Variants in CPLANE1 observed in about 807,000 individuals in gnomAD.
The protein encoded by CPLANE1 is ciliogenesis and planar polarity effector 1.
CPLANE1 carries 263 observed loss-of-function variants against 362.5 expected under a neutral mutation model. That is an observed-to-expected ratio of 0.73 (90% CI 0.66 to 0.80). The LOEUF (loss-of-function observed/expected upper bound fraction) is 0.80. CPLANE1 is among the 30% of genes least tolerant of loss of function. CPLANE1 has a pLI of 0.00. For missense variants in CPLANE1, 3,461 were observed against 3,793.4 expected (o/e 0.91, Z 2.30); for synonymous variants, 1,212 against 1,302.6 (o/e 0.93, Z 1.50).
intron 15 of CPLANE1, among the ~76,000 whole-genome samples, chr5:37,214,521 A>G (rs898602758): frequency 6.6e-6 from 1 of 152,220 alleles, no homozygotes; most frequent in African/African-American, 2.4e-5. Flanking sequence ...TACAGGCCAT[A>G]TATGGCACTG....
the CPLANE1 span, among the ~76,000 whole-genome samples, chr5:37,082,903 G>A: frequency 2.0e-5 from 3 of 152,134 alleles, no homozygotes; most frequent in Admixed American, 2.0e-4. Context: ...CTGCAGCTCC[G>A]ATCAGATGGA....
intron 2 of CPLANE1, among the ~76,000 whole-genome samples, chr5:37,246,828 A>C (rs1419561467): frequency 1.3e-5 from 2 of 152,164 alleles, no homozygotes; most frequent in Non-Finnish European, 2.9e-5. Context: ...CAATCGCTTG[A>C]ACCTGGGAGG....
intron 26 of CPLANE1, among the ~76,000 whole-genome samples, chr5:37,181,822 G>A (rs1782729663): frequency 1.3e-5 from 2 of 150,206 alleles, no homozygotes; most frequent in African/African-American, 4.9e-5. Context: ...ACCAGGCGCA[G>A]TGGCTCACAC....
At chr5:37,141,402 G>A in intron 44 of CPLANE1, 1 of 985,344 alleles carries the variant, frequency 1.0e-6, no homozygotes, top group Non-Finnish European at 1.2e-6. Context: ...AAGATTCTCA[G>A]ATGCTTTATA....
intron 18 of CPLANE1, among the ~76,000 whole-genome samples, chr5:37,202,158 CTT>C (rs34033701): frequency 1.4e-4 from 20 of 141,040 alleles, no homozygotes; most frequent in Admixed American, 2.9e-4. Context: ...GTAACTTTTC[CTT>C]TTTTTTTTTT....
intron 7 of CPLANE1, 57 bp downstream of exon 7, chr5:37,239,654 CAA>C: frequency 8.7e-7 from 1 of 1,146,512 alleles, no homozygotes; most frequent in Non-Finnish European, 1.1e-6. Context: ...AGAAAAATCT[CAA>C]AACTGGAATA....
the CPLANE1 span, among the ~76,000 whole-genome samples, chr5:37,098,923 CAAAAAAAAA>C: frequency 7.7e-5 from 4 of 52,076 alleles, no homozygotes; most frequent in East Asian, 6.0e-4. Flanking sequence ...ATGCCTACAT[CAAAAAAAAA>C]AAAAAAAAAA....
At chr5:37,177,256 T>C (rs1021721897) in intron 30 of CPLANE1, among the ~76,000 whole-genome samples, 5 of 152,204 alleles carry the variant, frequency 3.3e-5, no homozygotes, top group Admixed American at 2.0e-4. Flanking sequence ...AAAGATTTTA[T>C]ACATACATAA....
chr5:37,167,284 T>C, intron 34 of CPLANE1, 71 bp from the exon 35 acceptor site: 1 of 1,177,436 alleles, frequency 8.5e-7, no homozygotes, highest in Non-Finnish European at 1.2e-6. Context: ...AACAAAAGAC[T>C]GAGGAAAAAT....
intron 26 of CPLANE1, among the ~76,000 whole-genome samples, chr5:37,182,023 C>T (rs924109854): frequency 6.6e-6 from 1 of 150,836 alleles, no homozygotes; most frequent in South Asian, 2.1e-4. Context: ...ATCCAGGAGG[C>T]GGAGGTTGCA....
intron 46 of CPLANE1, among the ~76,000 whole-genome samples, chr5:37,136,297 A>G (rs1319873020): frequency 2.0e-5 from 3 of 152,224 alleles, no homozygotes; most frequent in Admixed American, 6.5e-5. Flanking sequence ...CCAATAGGGC[A>G]GTCATTAAAC....
At chr5:37,115,597 C>CT (rs202050168) in intron 50 of CPLANE1, among the ~76,000 whole-genome samples, 20,299 of 124,636 alleles carry the variant, frequency 0.16, 2,903 homozygotes, top group African/African-American at 0.37. Context: ...ACTTTTATTT[C>CT]TTTTTTTTTT....
chr5:37,115,522 T>A (rs1760671782), intron 50 of CPLANE1, among the ~76,000 whole-genome samples: 1 of 152,042 alleles, frequency 6.6e-6, no homozygotes, highest in African/African-American at 2.4e-5. Context: ...AAATAACTTA[T>A]CTGAGGGCAA....
intron 8 of CPLANE1, among the ~76,000 whole-genome samples, chr5:37,235,006 T>TA (rs959914669): frequency 1.3e-5 from 2 of 151,894 alleles, no homozygotes; most frequent in African/African-American, 2.4e-5. Context: ...TCAGGCAAGA[T>TA]AAAAAAATAA....
intron 38 of CPLANE1, among the ~76,000 whole-genome samples, chr5:37,160,408 A>C (rs1290965856): frequency 1.3e-5 from 2 of 151,992 alleles, no homozygotes; most frequent in Non-Finnish European, 2.9e-5. Flanking sequence ...TACAAAAATT[A>C]GCCAGGCGTG....
At position 37,108,286 on chromosome 5, in the gene CPLANE1, T is replaced by C. The variant is rs369166609; in HGVS notation, c.9579+7A>G. Reference sequence around the variant, plus strand: ...ACTAGACAAACAAAATCTAGAACAATGCTTACTTGTAGAAGGGAATTGTGA... The same window carrying C: ...ACTAGACAAACAAAATCTAGAACAACGCTTACTTGTAGAAGGGAATTGTGA... On this transcript the variant is annotated splice_region_variant and intron_variant, in intron 52 of 52. Coordinates refer to ENST00000651892, the MANE Select transcript of CPLANE1 (RefSeq NM_001384732.1). The C allele has an allele frequency of 3.4e-5, 55 of 1,612,318 alleles. No individual in the cohort carries two copies. The African/African-American group carries it at 6.3e-4, about 18-fold the overall frequency.
chr5:37,097,595 C>A, the CPLANE1 span, among the ~76,000 whole-genome samples: 1 of 152,134 alleles, frequency 6.6e-6, no homozygotes, highest in African/African-American at 2.4e-5. Context: ...AAGTTAAAGG[C>A]AGAGAGAAGT....
intron 44 of CPLANE1, chr5:37,141,264 G>T (rs1488923491): frequency 8.1e-6 from 8 of 985,130 alleles, no homozygotes; most frequent in Admixed American, 1.2e-4. Context: ...GGATAAAATG[G>T]AGTGTAAACT....
chr5:37,247,794 G>A (rs1202154789), intron 1 of CPLANE1, 49 bp from the exon 2 acceptor site: 21 of 1,333,260 alleles, frequency 1.6e-5, no homozygotes, highest in Non-Finnish European at 2.0e-5. Context: ...AATATTCACT[G>A]GGCATTTTTT....
Sources: allele counts gnomAD v4.1 joint callset (sites outside exome capture counted in the v4.1 genomes callset), GRCh38; gene constraint gnomAD v4.1.1; transcripts MANE v1.5; gene names NCBI Gene and HGNC (gene_info 2026-07-23, HGNC 2026-07-21).